ABCB4: variants seen among roughly 807,000 people sequenced by gnomAD.
ABCB4 encodes the protein ATP binding cassette subfamily B member 4.
In ABCB4, 76 loss-of-function variants were observed where a neutral mutation model predicts 145.7. The ratio of observed to expected loss-of-function variants is 0.52; its 90% CI spans 0.43 to 0.63. The LOEUF (loss-of-function observed/expected upper bound fraction) is 0.63. ABCB4 is among the 30% of genes least tolerant of loss of function. ABCB4 has a pLI of 0.00. For synonymous variants in ABCB4, 517 were observed against 566.8 expected, an observed-to-expected ratio of 0.91 and a Z score of 1.25; for missense variants, 1,234 against 1,553.1, an observed-to-expected ratio of 0.79 and a Z score of 3.45.
At chr7:87,392,993 T>C in the ABCB4 span, 1 of 1,613,718 alleles carries the variant, frequency 6.2e-7, no homozygotes, top group Non-Finnish European at 8.5e-7. Context: ...TGGTTGGCTA[T>C]TTACGAGTCC....
intron 8 of ABCB4, among the ~76,000 whole-genome samples, chr7:87,448,219 T>C (rs1811474101): frequency 6.6e-6 from 1 of 151,968 alleles, no homozygotes; most frequent in African/African-American, 2.4e-5. Flanking sequence ...AAAAATCCAA[T>C]GGGTATGCAA....
intron 7 of ABCB4, 142 bp downstream of exon 7, chr7:87,451,481 T>A: frequency 1.2e-6 from 1 of 857,576 alleles, no homozygotes; most frequent in Non-Finnish European, 1.8e-6. Context: ...TATGAAAGCA[T>A]CATATTAACA....
the ABCB4 span, among the ~76,000 whole-genome samples, chr7:87,391,920 G>A: frequency 6.6e-6 from 1 of 152,156 alleles, no homozygotes; most frequent in African/African-American, 2.4e-5. Flanking sequence ...GATCCCATTT[G>A]TGTTATTTTC....
At chr7:87,400,042 C>T (rs1305729145), downstream of ABCB4, among the ~76,000 whole-genome samples, 1 of 152,154 alleles carries the variant, frequency 6.6e-6, no homozygotes, top group Non-Finnish European at 1.5e-5. Context: ...GGGACTGTCT[C>T]TCCTGACATG....
In ABCB4 at chr7:87,409,871, T is replaced by C. The variant is rs578086272; in HGVS notation, c.2925-479A>G. 2.0e-5 allele frequency among the ~76,000 whole-genome samples: 3 copies of C among 152,284 alleles called. No individual in the cohort carries two copies. The South Asian group carries it at 6.2e-4, about 32-fold the overall frequency. ...GGTTTCTTCTGTACTACCACACAAA[T>C]GATAATCATCATCACTGTAAATAAT... On this transcript the variant is annotated intron_variant, in intron 23 of 27. Coordinates refer to ENST00000649586, the MANE Select transcript of ABCB4 (RefSeq NM_000443.4).
chr7:87,377,453 AAGTAAACTACTG>A, the ABCB4 span: 1 of 1,532,700 alleles, frequency 6.5e-7, no homozygotes, highest in East Asian at 2.3e-5. Flanking sequence ...ATTGTGATGT[AAGTAAACTACTG>A]AAATTTTTCT....
At chr7:87,421,813 G>C (rs1809457466) in intron 18 of ABCB4, among the ~76,000 whole-genome samples, 1 of 152,202 alleles carries the variant, frequency 6.6e-6, no homozygotes, top group African/African-American at 2.4e-5. Flanking sequence ...AAAAGAGAAT[G>C]CTATTGGACT....
chr7:87,384,261 A>T, the ABCB4 span, among the ~76,000 whole-genome samples: 1,155 of 152,154 alleles, frequency 7.6e-3, 15 homozygotes, highest in African/African-American at 0.025. Context: ...CACTGGGCGC[A>T]TGGCTCACAC....
chr7:87,458,012 T>C (rs1479744253), intron 4 of ABCB4, among the ~76,000 whole-genome samples: 1 of 152,222 alleles, frequency 6.6e-6, no homozygotes, highest in African/African-American at 2.4e-5. Flanking sequence ...AGGACTTCTT[T>C]TAACACATAG....
intron 4 of ABCB4, among the ~76,000 whole-genome samples, chr7:87,460,260 G>A (rs144687318): frequency 5.3e-5 from 8 of 152,246 alleles, no homozygotes; most frequent in African/African-American, 1.9e-4. Context: ...CTGGGAGTCT[G>A]CATTTCTTTT....
chr7:87,467,356 T>C (rs1246231966), intron 3 of ABCB4, among the ~76,000 whole-genome samples: 3 of 152,228 alleles, frequency 2.0e-5, no homozygotes, highest in Non-Finnish European at 4.4e-5. Context: ...CTAACTATCC[T>C]AAATATATAT....
At chr7:87,380,670 A>G in the ABCB4 span, among the ~76,000 whole-genome samples, 1 of 152,322 alleles carries the variant, frequency 6.6e-6, no homozygotes, top group East Asian at 1.9e-4. Flanking sequence ...TATATTTTCT[A>G]CCTTCTTTGA....
chr7:87,408,547 C>T (rs1808381873), intron 24 of ABCB4, among the ~76,000 whole-genome samples: 1 of 152,200 alleles, frequency 6.6e-6, no homozygotes, highest in Non-Finnish European at 1.5e-5. Flanking sequence ...AGCCAGTGTC[C>T]AAAAGACTCT....
At chr7:87,475,269 C>G in intron 2 of ABCB4, 117 bp downstream of exon 2, 1 of 1,216,364 alleles carries the variant, frequency 8.2e-7, no homozygotes, top group South Asian at 1.2e-5. Flanking sequence ...TTCAAAGAAG[C>G]CTCCAAAACA....
intron 3 of ABCB4, among the ~76,000 whole-genome samples, chr7:87,467,549 T>C (rs1378519276): frequency 1.3e-5 from 2 of 152,170 alleles, no homozygotes; most frequent in African/African-American, 2.4e-5. Context: ...GTGGACCTAA[T>C]AGACATCTAC....
intron 27 of ABCB4, among the ~76,000 whole-genome samples, 170 bp downstream of exon 27, chr7:87,402,965 T>C (rs570667749): frequency 5.9e-5 from 9 of 152,308 alleles, no homozygotes; most frequent in East Asian, 1.9e-4. Context: ...GCCACTGCAC[T>C]ACAGCCTAGG....
At chr7:87,450,590 C>T (rs990379253) in intron 7 of ABCB4, among the ~76,000 whole-genome samples, 1 of 151,650 alleles carries the variant, frequency 6.6e-6, no homozygotes, top group African/African-American at 2.4e-5. Context: ...TCTGCCTCAG[C>T]CTCCCGAGTA....
intron 12 of ABCB4, among the ~76,000 whole-genome samples, chr7:87,442,877 T>C (rs1811079354): frequency 6.6e-6 from 1 of 152,204 alleles, no homozygotes; most frequent in African/African-American, 2.4e-5. Flanking sequence ...ACCATCCCAC[T>C]TTCCCCCTTA....
At chr7:87,433,837 C>G (rs1810419127) in intron 14 of ABCB4, among the ~76,000 whole-genome samples, 1 of 151,914 alleles carries the variant, frequency 6.6e-6, no homozygotes, top group African/African-American at 2.4e-5. Flanking sequence ...AAAGGGAGGA[C>G]TAATCTACTA....
Sources: allele counts gnomAD v4.1 joint callset (sites outside exome capture counted in the v4.1 genomes callset), GRCh38; gene constraint gnomAD v4.1.1; transcripts MANE v1.5; gene names NCBI Gene and HGNC (gene_info 2026-07-23, HGNC 2026-07-21).